HLTF: variants seen among roughly 807,000 people sequenced by gnomAD.
HLTF encodes helicase like transcription factor.
Under a neutral mutation model 129.4 loss-of-function variants are expected in HLTF, and 127 were observed. The ratio of observed to expected loss-of-function variants is 0.98; its 90% CI spans 0.85 to 1.14. The LOEUF (loss-of-function observed/expected upper bound fraction) is 1.14. Among genes scored for constraint, HLTF ranks in the 50% most tolerant of loss-of-function variants. HLTF has a pLI of 0.00. For missense variants in HLTF, 1,139 were observed against 1,187.1 expected (o/e 0.96, Z 0.60); for synonymous variants, 332 against 388.8 (o/e 0.85, Z 1.72).
chr3:149,077,272 A>AATT (rs1559882687), intron 2 of HLTF, among the ~76,000 whole-genome samples: 24 of 149,606 alleles, frequency 1.6e-4, no homozygotes, highest in Admixed American at 4.0e-4. Flanking sequence ...ATAAATAAAT[A>AATT]AATAAATAAA....
intron 18 of HLTF, among the ~76,000 whole-genome samples, chr3:149,043,536 A>G (rs571697973): frequency 6.7e-6 from 1 of 149,300 alleles, no homozygotes; most frequent in South Asian, 2.1e-4. Context: ...GAAGTTGCTG[A>G]ACTTCAGAGG....
intron 14 of HLTF, among the ~76,000 whole-genome samples, chr3:149,055,054 G>A (rs1428280448): frequency 1.3e-5 from 2 of 152,158 alleles, no homozygotes. Context: ...AGCAAAGGCA[G>A]AAATACAAAC....
At position 149,086,068 on chromosome 3, in the gene HLTF, A is replaced by G. The variant is rs143183917; in HGVS notation, c.20+249T>C. Among the ~76,000 whole-genome samples, 18 of 152,210 alleles carry G rather than the reference A, an allele frequency of 1.2e-4. No individual in the cohort carries two copies. The East Asian group carries it at 3.5e-3, about 29-fold the overall frequency. ...ATAAAGCACTGGCCGAGATGCTTTA[A>G]GCCCCAGGCCCCCCACAGTCGGTGA... On this transcript the variant is annotated intron_variant, in intron 1 of 24. Coordinates refer to ENST00000310053, the MANE Select transcript of HLTF (RefSeq NM_003071.4).
intron 17 of HLTF, among the ~76,000 whole-genome samples, chr3:149,047,045 A>C (rs1456364305): frequency 1.3e-5 from 2 of 152,190 alleles, no homozygotes; most frequent in Admixed American, 6.5e-5. Context: ...TATTTCACAA[A>C]ATAATACTTA....
rs1309031007 is a variant in HLTF at position 149,086,474 on chromosome 3, G to C, written c.-138C>G. On this transcript the variant is annotated 5_prime_UTR_variant, in exon 1 of 25. Coordinates refer to ENST00000310053, the MANE Select transcript of HLTF (RefSeq NM_003071.4). ...AGCGCCGGATCAGGAGCGCACGACT[G>C]AAAGGTAAGTCGCCGCGAGTCCAGT... The C allele has an allele frequency of 4.2e-6, 4 of 942,930 alleles. No individual in the cohort carries two copies. Among genetic ancestry groups the C allele is most frequent in the Admixed American group, 2.5e-5 (1 of 40,180 alleles). The allele number at this position is 942,930 out of a possible 1,614,324, so 58.4% of individuals were successfully genotyped here.
intron 23 of HLTF, among the ~76,000 whole-genome samples, chr3:149,038,748 G>A (rs1031164805): frequency 6.6e-6 from 1 of 152,008 alleles, no homozygotes; most frequent in Non-Finnish European, 1.5e-5. Flanking sequence ...CCTGAGCTCA[G>A]GCAATCCATT....
chr3:149,077,434 T>C (rs1024719282), intron 2 of HLTF, among the ~76,000 whole-genome samples: 4 of 152,064 alleles, frequency 2.6e-5, no homozygotes, highest in African/African-American at 9.7e-5. Flanking sequence ...CTTGCAAGGC[T>C]GACTGTATTT....
chr3:149,059,776 T>C lies in HLTF; in HGVS notation c.1317A>G (p.Ala439=). 4 of 1,601,518 alleles carry C rather than the reference T, an allele frequency of 2.5e-6. No homozygotes were observed. Among genetic ancestry groups the C allele is most frequent in the Non-Finnish European group, 3.4e-6 (4 of 1,175,664 alleles). Residue 439 remains alanine (A), a synonymous_variant, in exon 13 of 25, where the codon GCA becomes GCG. Coordinates refer to ENST00000310053, the MANE Select transcript of HLTF (RefSeq NM_003071.4). ...AGSSKVIEDV[A]FACALTSSVP... is the part of the protein sequence containing the mutation. The stretch of plus-strand genomic sequence containing the variant: ...CAGATGAAGTTAATGCACATGCAAA[T>C]GCCACATCTTCTATAACCTTAGAAG...
rs771287794 is a variant in HLTF at position 149,073,174 on chromosome 3, C to A, written c.627+51G>T. 13 of 1,248,958 alleles carry A rather than the reference C, an allele frequency of 1.0e-5. No homozygotes were observed. In the Admixed American group the frequency reaches 2.7e-4, roughly 26 times the overall value. 77.4% of individuals were successfully genotyped at this position (1,248,958 alleles called of 1,614,324 possible). ...TCATCCTGTTCTTTTAAATACAAAC[C>A]TGCAACATTTAAAATTCACTTTTAG... On this transcript the variant is annotated intron_variant, in intron 5 of 24. Transcript: ENST00000310053.
intron 17 of HLTF, among the ~76,000 whole-genome samples, chr3:149,047,122 T>C (rs1425525508): frequency 1.3e-5 from 2 of 152,248 alleles, no homozygotes; most frequent in African/African-American, 4.8e-5. Context: ...AAATGCTGGC[T>C]ACCACCTTTA....
At chr3:149,072,204 GA>G (rs1718937546) in intron 5 of HLTF, among the ~76,000 whole-genome samples, 1 of 152,188 alleles carries the variant, frequency 6.6e-6, no homozygotes, top group African/African-American at 2.4e-5. Flanking sequence ...GAATATAAAA[GA>G]ATTTTAAGTC....
At chr3:149,078,299 A>G (rs1235624862) in intron 2 of HLTF, among the ~76,000 whole-genome samples, 1 of 152,208 alleles carries the variant, frequency 6.6e-6, no homozygotes, top group African/African-American at 2.4e-5. Context: ...TAATCCCAGC[A>G]CTTTAGGAGG....
chr3:149,077,291 T>TAAAA (rs869091036), intron 2 of HLTF, among the ~76,000 whole-genome samples: 112 of 136,292 alleles, frequency 8.2e-4, no homozygotes, highest in Admixed American at 1.5e-3. Context: ...AATAAATAAA[T>TAAAA]AAAAATAATA....
chr3:149,035,991 C>T (rs1715578756), intron 23 of HLTF, among the ~76,000 whole-genome samples: 2 of 151,444 alleles, frequency 1.3e-5, no homozygotes. Context: ...AAAAATTAGC[C>T]GGGCGTGGTG....
chr3:149,034,132 C>T (rs1434070211), intron 24 of HLTF, among the ~76,000 whole-genome samples: 3 of 152,044 alleles, frequency 2.0e-5, no homozygotes, highest in Non-Finnish European at 4.4e-5. Context: ...CAAATTAGAA[C>T]AGCACTTTTT....
At chr3:149,073,436 G>A (rs967156721) in intron 4 of HLTF, 114 bp from the exon 5 acceptor site, 5 of 716,142 alleles carry the variant, frequency 7.0e-6, no homozygotes, top group Non-Finnish European at 1.2e-5. Flanking sequence ...GCTCATGCCT[G>A]TAACCCAAGC....
chr3:149,064,915 TA>T, intron 8 of HLTF, 49 bp from the exon 9 acceptor site: 1 of 1,015,522 alleles, frequency 9.8e-7, no homozygotes. Context: ...CAGTTTTAAA[TA>T]ACTTTAAATG....
intron 23 of HLTF, among the ~76,000 whole-genome samples, chr3:149,037,262 A>G (rs980453208): frequency 6.6e-6 from 1 of 151,992 alleles, no homozygotes; most frequent in African/African-American, 2.4e-5. Flanking sequence ...TGAGGTCAGG[A>G]GTTCAAGACC....
At chr3:149,082,795 G>A (rs1719986122) in intron 2 of HLTF, among the ~76,000 whole-genome samples, 1 of 152,092 alleles carries the variant, frequency 6.6e-6, no homozygotes, top group African/African-American at 2.4e-5. Flanking sequence ...GTCCAATATA[G>A]ATGATATTCC....
Sources: gnomAD v4.1 joint callset for allele counts (sites outside exome capture counted in the v4.1 genomes callset) on GRCh38, gnomAD v4.1.1 for gene constraint, MANE v1.5 for transcripts, NCBI Gene and HGNC (gene_info 2026-07-23, HGNC 2026-07-21) for gene names.